The following FAR2 variants were observed in gnomAD, a reference collection of about 807,000 sequenced individuals.
The protein encoded by FAR2 is epididymis secretory protein Li 81.
In FAR2, 19 loss-of-function variants were observed where a neutral mutation model predicts 56.0. That is an observed-to-expected ratio of 0.34 (90% CI 0.24 to 0.50). The LOEUF (loss-of-function observed/expected upper bound fraction) is 0.50. Among genes scored for constraint, FAR2 ranks in the 20% least tolerant of loss-of-function variants. The pLI is 0.98. For synonymous variants in FAR2, 219 were observed against 218.8 expected (o/e 1.00, Z -0.01); for missense variants, 508 against 642.2 (o/e 0.79, Z 2.26).
chr12:29,175,376 C>A (rs1949927652), intron 1 of FAR2, among the ~76,000 whole-genome samples: 1 of 152,188 alleles, frequency 6.6e-6, no homozygotes, highest in Admixed American at 6.5e-5. Context: ...CTGCTGGGTT[C>A]ATGGTCTTGC....
rs71042969 is a variant in FAR2 at position 29,232,821 on chromosome 12, G to GCACA, written c.-38-37568_-38-37565dup. Among the ~76,000 whole-genome samples, 786 of 145,918 alleles carry GCACA rather than the reference G, an allele frequency of 5.4e-3. 4 individuals carry two copies. The highest frequency in any genetic ancestry group is 0.014 in the African/African-American group (548 of 40,086). The stretch of plus-strand genomic sequence containing the variant: ...CACACACACACACATACGCGCTCGC[G>GCACA]CACACACACACACACACACACACAC... On this transcript the variant is annotated intron_variant, in intron 1 of 11. Transcript: ENST00000536681.
intron 6 of FAR2, chr12:29,309,872 A>T (rs1949318803): frequency 6.6e-6 from 1 of 152,332 alleles, no homozygotes; most frequent in Non-Finnish European, 1.5e-5. Context: ...CTCACACTGA[A>T]GCATTTAGGG....
At chr12:29,318,998 C>CT (rs1291768586) in intron 9 of FAR2, among the ~76,000 whole-genome samples, 37 of 145,586 alleles carry the variant, frequency 2.5e-4, no homozygotes, top group Admixed American at 5.5e-4. Flanking sequence ...TTTCTTTTTT[C>CT]TTTTTTTTTT....
In FAR2 at chr12:29,173,018, G is replaced by A. The variant is rs1339985908; in HGVS notation, c.-39+23611G>A. ...GATACCAGGTATCTCCAAACTCTCA[G>A]GCTGCAGCTAAAGCTGCATTCTTTT... is the stretch of plus-strand genomic sequence containing the variant. On this transcript the variant is annotated intron_variant, in intron 1 of 11. Transcript: ENST00000536681. Among the ~76,000 whole-genome samples the A allele has an allele frequency of 2.0e-5, 3 of 152,100 alleles. No individual in the cohort carries two copies. In the East Asian group the frequency reaches 5.8e-4, roughly 29 times the overall value.
intron 8 of FAR2, 64 bp from the exon 9 acceptor site, chr12:29,316,777 T>C (rs1210502479): frequency 6.6e-7 from 1 of 1,514,164 alleles, no homozygotes; most frequent in Non-Finnish European, 9.0e-7. Flanking sequence ...TTACAAATGC[T>C]TTCCACTATG....
At chr12:29,264,860 A>T (rs1948486927) in intron 1 of FAR2, among the ~76,000 whole-genome samples, 1 of 151,082 alleles carries the variant, frequency 6.6e-6, no homozygotes, top group Non-Finnish European at 1.5e-5. Context: ...TATAAAAATC[A>T]GTAGTATTTC....
chr12:29,180,306 A>G (rs1163977808), intron 1 of FAR2, among the ~76,000 whole-genome samples: 1 of 152,226 alleles, frequency 6.6e-6, no homozygotes, highest in African/African-American at 2.4e-5. Flanking sequence ...CTTGCAGAGT[A>G]GTAATGACTC....
chr12:29,254,343 C>A (rs1295769309), intron 1 of FAR2, among the ~76,000 whole-genome samples: 1 of 152,178 alleles, frequency 6.6e-6, no homozygotes, highest in South Asian at 2.1e-4. Flanking sequence ...AAGTGTTTGA[C>A]AAACAGATAT....
At chr12:29,323,995 T>G (rs1172262619) in intron 10 of FAR2, among the ~76,000 whole-genome samples, 1 of 151,906 alleles carries the variant, frequency 6.6e-6, no homozygotes, top group Non-Finnish European at 1.5e-5. Flanking sequence ...GTTAAAAACT[T>G]TGAAAAAAAA....
intron 2 of FAR2, among the ~76,000 whole-genome samples, chr12:29,286,836 G>A (rs1169352856): frequency 6.6e-6 from 1 of 152,030 alleles, no homozygotes; most frequent in African/African-American, 2.4e-5. Context: ...CAAAATATAT[G>A]CTTAATTCTC....
chr12:29,186,474 T>C (rs1950041271), intron 1 of FAR2, among the ~76,000 whole-genome samples: 1 of 152,200 alleles, frequency 6.6e-6, no homozygotes, highest in Admixed American at 6.5e-5. Context: ...CTCTGATCTT[T>C]TAAGGAGTTG....
intron 1 of FAR2, among the ~76,000 whole-genome samples, chr12:29,194,267 C>T (rs1211293280): frequency 6.6e-6 from 1 of 152,144 alleles, no homozygotes; most frequent in Non-Finnish European, 1.5e-5. Flanking sequence ...TCTTCAACTT[C>T]TCAGGTTCTG....
chr12:29,240,553 T>G (rs912625937), intron 1 of FAR2, among the ~76,000 whole-genome samples: 5 of 152,002 alleles, frequency 3.3e-5, no homozygotes, highest in Middle Eastern at 3.4e-3. Flanking sequence ...GTGAATTTAC[T>G]GCCTTGTCTC....
At chr12:29,198,347 G>T (rs912602179) in intron 1 of FAR2, among the ~76,000 whole-genome samples, 3 of 152,114 alleles carry the variant, frequency 2.0e-5, no homozygotes, top group African/African-American at 7.2e-5. Context: ...TCCTGCCTCA[G>T]CCTCCGGAGT....
intron 3 of FAR2, among the ~76,000 whole-genome samples, chr12:29,296,175 T>C (rs1280914529): frequency 7.4e-6 from 1 of 134,536 alleles, no homozygotes; most frequent in East Asian, 2.1e-4. Flanking sequence ...AATCCGACAG[T>C]AATTTTTGTG....
intron 10 of FAR2, among the ~76,000 whole-genome samples, chr12:29,328,970 T>C (rs913376140): frequency 7.9e-5 from 12 of 152,234 alleles, no homozygotes; most frequent in African/African-American, 2.9e-4. Flanking sequence ...GTTTCACTTC[T>C]ACATACCAAA....
chr12:29,170,655 C>G (rs931413255), intron 1 of FAR2, among the ~76,000 whole-genome samples: 1 of 152,046 alleles, frequency 6.6e-6, no homozygotes, highest in East Asian at 1.9e-4. Context: ...TTCTCTCTCT[C>G]TCTGACTCCC....
chr12:29,177,325 C>CA (rs1456870505), intron 1 of FAR2, among the ~76,000 whole-genome samples: 2 of 152,044 alleles, frequency 1.3e-5, no homozygotes, highest in East Asian at 3.9e-4. Context: ...ATGTACAGGG[C>CA]AAAAAACAGA....
intron 1 of FAR2, among the ~76,000 whole-genome samples, chr12:29,190,376 AG>A (rs1950092382): frequency 6.6e-6 from 1 of 151,536 alleles, no homozygotes; most frequent in Admixed American, 6.6e-5. Flanking sequence ...CAGCATTTAG[AG>A]GCTGAGCAGA....
Sources: gnomAD v4.1 joint callset for allele counts (sites outside exome capture counted in the v4.1 genomes callset) on GRCh38, gnomAD v4.1.1 for gene constraint, MANE v1.5 for transcripts, NCBI Gene and HGNC (gene_info 2026-07-23, HGNC 2026-07-21) for gene names.